The following TSPAN9 variants were observed in gnomAD, a reference collection of about 807,000 sequenced individuals.
The protein encoded by TSPAN9 is tetraspanin 9, also known as tetraspanin-9.
Under a neutral mutation model 31.0 loss-of-function variants are expected in TSPAN9, and 16 were observed. The ratio of observed to expected loss-of-function variants is 0.52; its 90% CI spans 0.35 to 0.78. TSPAN9 has a LOEUF of 0.78. Among genes scored for constraint, TSPAN9 ranks in the 30% least tolerant of loss-of-function variants. The pLI, the probability that TSPAN9 is intolerant of heterozygous loss-of-function variation, is 0.01. For missense variants in TSPAN9, 272 were observed against 312.5 expected, an observed-to-expected ratio of 0.87 and a Z score of 0.98; for synonymous variants, 145 against 121.6, an observed-to-expected ratio of 1.19 and a Z score of -1.27.
At chr12:3,274,363 C>T (rs761479216) in intron 3 of TSPAN9, among the ~76,000 whole-genome samples, 2 of 151,970 alleles carry the variant, frequency 1.3e-5, no homozygotes, top group East Asian at 1.9e-4. Context: ...ATTGGGCCTC[C>T]GAGAGCTAAA....
At chr12:3,235,006 C>CA (rs557454609) in intron 3 of TSPAN9, among the ~76,000 whole-genome samples, 11,531 of 130,398 alleles carry the variant, frequency 0.088, 521 homozygotes, top group African/African-American at 0.11. Context: ...TAAAAAAATA[C>CA]AAAAAAAAAA....
intron 3 of TSPAN9, among the ~76,000 whole-genome samples, chr12:3,244,724 G>A (rs760560876): frequency 5.9e-5 from 9 of 152,154 alleles, no homozygotes; most frequent in Non-Finnish European, 1.2e-4. Flanking sequence ...TGTGAGACCC[G>A]GGTAATGGGG....
At chr12:3,079,762 C>A (rs113692497) in intron 1 of TSPAN9, among the ~76,000 whole-genome samples, 1 of 143,756 alleles carries the variant, frequency 7.0e-6, no homozygotes, top group Non-Finnish European at 1.5e-5. Flanking sequence ...GTACTTAGCC[C>A]CTTCTTCTAT....
intron 2 of TSPAN9, among the ~76,000 whole-genome samples, chr12:3,129,220 TA>T (rs2098328695): frequency 6.6e-6 from 1 of 152,184 alleles, no homozygotes; most frequent in South Asian, 2.1e-4. Flanking sequence ...CATCGTATTT[TA>T]AAATCGAGTG....
intron 3 of TSPAN9, among the ~76,000 whole-genome samples, chr12:3,252,676 A>G (rs1267158704): frequency 2.0e-5 from 3 of 152,250 alleles, no homozygotes; most frequent in Non-Finnish European, 1.5e-5. Flanking sequence ...CACGGTGCGC[A>G]GCCAGAAATA....
At chr12:3,091,279 T>C (rs1488661207) in intron 2 of TSPAN9, among the ~76,000 whole-genome samples, 2 of 152,262 alleles carry the variant, frequency 1.3e-5, no homozygotes, top group Admixed American at 6.5e-5. Flanking sequence ...CCCAGGCCTA[T>C]GTGATTCACA....
At chr12:3,281,443 C>G (rs11610125) in intron 7 of TSPAN9, 114 bp downstream of exon 7, 1 of 1,396,746 alleles carries the variant, frequency 7.2e-7, no homozygotes, top group South Asian at 1.6e-5. Context: ...CTGAATGTGG[C>G]GGTGGGGGGC....
chr12:3,176,526 A>G (rs1459288630), intron 2 of TSPAN9, among the ~76,000 whole-genome samples: 2 of 152,208 alleles, frequency 1.3e-5, no homozygotes, highest in Non-Finnish European at 2.9e-5. Context: ...AATGAAGGAC[A>G]TTCCGTCCAC....
At position 3,147,555 on chromosome 12, in the gene TSPAN9, A is replaced by G. The variant is rs1054300475; in HGVS notation, c.-17-53622A>G. Among the ~76,000 whole-genome samples the G allele has an allele frequency of 7.2e-5, 11 of 151,986 alleles. No homozygotes were observed. The highest frequency in any genetic ancestry group is 1.5e-4 in the Non-Finnish European group (10 of 68,018). On this transcript the variant is annotated intron_variant, in intron 2 of 8. Coordinates refer to ENST00000011898, the MANE Select transcript of TSPAN9 (RefSeq NM_006675.5). This position sits in a 1 kb window ranked among gnomAD's most constrained non-coding sequence, Gnocchi z 4.3. ...CACCTAGGGCCTGTTCTGCCCCCGA[A>G]GAGAGAGAACCAGCCAGCCCAGTGC...
chr12:3,089,509 G>C (rs113623198), intron 2 of TSPAN9, among the ~76,000 whole-genome samples: 11,348 of 151,544 alleles, frequency 0.075, 1,195 homozygotes, highest in African/African-American at 0.24. Context: ...GTTGGCCAGG[G>C]TGGTCTCGAT....
rs377175281 is a variant in TSPAN9 at position 3,156,372 on chromosome 12, G to A, written c.-17-44805G>A. ...CCCTCCAGGACTGGGAGAGGGAGGG[G>A]CAGCAGGTGGGGAGTCGGGGGGCCA... On this transcript the variant is annotated intron_variant, in intron 2 of 8. Coordinates refer to ENST00000011898, the MANE Select transcript of TSPAN9 (RefSeq NM_006675.5). Among the ~76,000 whole-genome samples the A allele has an allele frequency of 1.2e-4, 19 of 152,362 alleles. No individual in the cohort carries two copies. The East Asian group carries it at 3.1e-3, about 25-fold the overall frequency.
At chr12:3,077,934 A>G (rs770455625) in intron 1 of TSPAN9, among the ~76,000 whole-genome samples, 2 of 152,234 alleles carry the variant, frequency 1.3e-5, no homozygotes, top group Non-Finnish European at 2.9e-5. Context: ...ACTCCGAGTG[A>G]CAGGACTCTG....
At chr12:3,277,078 C>T (rs1412232995) in intron 3 of TSPAN9, among the ~76,000 whole-genome samples, 1 of 152,220 alleles carries the variant, frequency 6.6e-6, no homozygotes, top group East Asian at 1.9e-4. Flanking sequence ...TTCCAGCAAG[C>T]AGTGCCCGGA....
intron 3 of TSPAN9, among the ~76,000 whole-genome samples, chr12:3,267,871 C>A (rs1387819316): frequency 6.6e-6 from 1 of 152,222 alleles, no homozygotes; most frequent in African/African-American, 2.4e-5. Context: ...CCATCCCCCA[C>A]TCCTGCCCAA....
chr12:3,244,715 G>A (rs538777936), intron 3 of TSPAN9, among the ~76,000 whole-genome samples: 1 of 152,202 alleles, frequency 6.6e-6, no homozygotes, highest in South Asian at 2.1e-4. Context: ...TAGTCACGGT[G>A]TGAGACCCGG....
At chr12:3,098,863 T>C (rs963860325) in intron 2 of TSPAN9, among the ~76,000 whole-genome samples, 2 of 151,616 alleles carry the variant, frequency 1.3e-5, no homozygotes, top group African/African-American at 4.8e-5. Flanking sequence ...TGATTCTTGC[T>C]CCTCAACCTC....
intron 3 of TSPAN9, among the ~76,000 whole-genome samples, chr12:3,264,158 G>A (rs1016096229): frequency 4.6e-5 from 7 of 152,080 alleles, no homozygotes; most frequent in Non-Finnish European, 7.4e-5. Flanking sequence ...TGGCTCACCC[G>A]CCTCGAGGAT....
At chr12:3,101,098 C>T (rs1269519064) in intron 2 of TSPAN9, among the ~76,000 whole-genome samples, 6 of 152,112 alleles carry the variant, frequency 3.9e-5, no homozygotes, top group African/African-American at 9.7e-5. Context: ...ACTGGGAGAA[C>T]GGAAACTACA....
At chr12:3,270,142 CT>C (rs762517727) in intron 3 of TSPAN9, among the ~76,000 whole-genome samples, 1 of 152,194 alleles carries the variant, frequency 6.6e-6, no homozygotes, top group Non-Finnish European at 1.5e-5. Flanking sequence ...GAACATGCCT[CT>C]ACCTTCTTTT....
Sources: gnomAD v4.1 joint callset for allele counts (sites outside exome capture counted in the v4.1 genomes callset) on GRCh38, gnomAD v4.1.1 for gene constraint, Gnocchi (gnomAD v3.1) non-coding constraint, MANE v1.5 for transcripts, NCBI Gene and HGNC (gene_info 2026-07-23, HGNC 2026-07-21) for gene names.